TMEM181: variants seen among roughly 807,000 people sequenced by gnomAD.
TMEM181 encodes G protein-coupled receptor 178.
A neutral mutation model predicts 71.9 loss-of-function variants in TMEM181; 39 were observed. The ratio of observed to expected loss-of-function variants is 0.54; its 90% confidence interval spans 0.42 to 0.71. TMEM181 has a LOEUF of 0.71. Among genes scored for constraint, TMEM181 ranks in the 30% least tolerant of loss-of-function variants. The probability of loss-of-function intolerance (pLI) is 0.00; values close to 1 mark genes in which losing one functional copy is unlikely to be tolerated. For synonymous variants in TMEM181, 245 were observed against 228.8 expected (o/e 1.07, Z -0.64); for missense variants, 595 against 583.0 (o/e 1.02, Z -0.21).
intron 1 of TMEM181, among the ~76,000 whole-genome samples, chr6:158,570,448 A>G (rs544858295): frequency 1.3e-5 from 2 of 150,928 alleles, no homozygotes; most frequent in Non-Finnish European, 3.0e-5. Flanking sequence ...TCACCGTGTC[A>G]GCCAGGATGG....
intron 16 of TMEM181, 113 bp downstream of exon 16, chr6:158,631,502 C>T: frequency 1.7e-6 from 2 of 1,179,916 alleles, no homozygotes; most frequent in Admixed American, 3.6e-5. Context: ...AAGGCATTTA[C>T]CTTGGAGTGT....
At chr6:158,565,342 G>A (rs535669669) in intron 1 of TMEM181, among the ~76,000 whole-genome samples, 56 of 152,310 alleles carry the variant, frequency 3.7e-4, no homozygotes, top group Non-Finnish European at 6.8e-4. Flanking sequence ...TGTTGGTGCC[G>A]TGGTCCCGAG....
intron 4 of TMEM181, among the ~76,000 whole-genome samples, chr6:158,584,250 G>A (rs148181889): frequency 3.3e-3 from 497 of 152,346 alleles, no homozygotes; most frequent in African/African-American, 0.011. Flanking sequence ...CGTCCTCCGT[G>A]GAGTCCTGGT....
intron 4 of TMEM181, 40 bp downstream of exon 4, chr6:158,584,084 G>T: frequency 1.3e-6 from 2 of 1,517,862 alleles, no homozygotes; most frequent in South Asian, 1.2e-5. Flanking sequence ...TTCATTATAC[G>T]AAGAAACATC....
intron 1 of TMEM181, among the ~76,000 whole-genome samples, chr6:158,568,722 A>G (rs182417339): frequency 2.6e-4 from 40 of 152,274 alleles, no homozygotes; most frequent in Admixed American, 2.2e-3. Flanking sequence ...CAGAGCTGCC[A>G]GTGGGTTTCT....
chr6:158,625,753 A>C lies in TMEM181; in HGVS notation c.1108A>C (p.Ser370Arg). 1 of 1,608,714 alleles carries C rather than the reference A, an allele frequency of 6.2e-7. No individual in the cohort carries two copies. The highest frequency in any genetic ancestry group is 1.1e-5 in the South Asian group (1 of 89,118). ...TALTFVVLVI[S>R]IAILYLRFGA... The stretch of plus-strand genomic sequence containing the variant: ...ATTGACTTTCGTAGTACTTGTCATT[A>C]GGTAAGAAGACCTTATTTCTTGAAA... The change falls in exon 13 of 17, where the codon AGC (serine) becomes CGC (arginine). Residue 370 changes from serine to arginine, a missense_variant and splice_region_variant. Ser to Arg is a moderately radical substitution (Grantham distance 110, BLOSUM62 -1). Coordinates refer to ENST00000684151, the MANE Select transcript of TMEM181 (RefSeq NM_001376852.1).
chr6:158,537,525 G>A (rs537491291), intron 1 of TMEM181, among the ~76,000 whole-genome samples: 95 of 152,226 alleles, frequency 6.2e-4, no homozygotes, highest in African/African-American at 2.2e-3. Flanking sequence ...CCCTGGCGCC[G>A]GCCCCCGCCC....
chr6:158,539,492 G>A (rs922329941), intron 1 of TMEM181, among the ~76,000 whole-genome samples: 1 of 152,186 alleles, frequency 6.6e-6, no homozygotes, highest in African/African-American at 2.4e-5. Context: ...CTTATTGGTG[G>A]TTTATGAGTA....
intron 6 of TMEM181, among the ~76,000 whole-genome samples, chr6:158,590,185 T>G (rs538038432): frequency 1.3e-5 from 2 of 152,094 alleles, no homozygotes; most frequent in African/African-American, 2.4e-5. Flanking sequence ...AATCTCCCCT[T>G]TCCACTCATT....
chr6:158,625,006 C>A, intron 11 of TMEM181, 98 bp from the exon 12 acceptor site: 1 of 937,950 alleles, frequency 1.1e-6, no homozygotes, highest in Non-Finnish European at 1.8e-6. Context: ...GTTGAAGTCC[C>A]TTCTAAAAAC....
chr6:158,572,554 G>C (rs566715843), intron 1 of TMEM181: 8 of 448,834 alleles, frequency 1.8e-5, no homozygotes, highest in East Asian at 7.0e-5. Flanking sequence ...AGCCATGCTC[G>C]TGCGTCCTGT....
intron 1 of TMEM181, among the ~76,000 whole-genome samples, chr6:158,570,578 G>A (rs538161693): frequency 6.6e-6 from 1 of 151,980 alleles, no homozygotes; most frequent in Non-Finnish European, 1.5e-5. Context: ...GGGGAAACAG[G>A]TCTGGAGTCA....
chr6:158,554,834 T>G (rs1781827482), intron 1 of TMEM181, among the ~76,000 whole-genome samples: 2 of 152,230 alleles, frequency 1.3e-5, no homozygotes, highest in African/African-American at 2.4e-5. Flanking sequence ...AAAACACAGC[T>G]GGATCCAAAT....
chr6:158,611,788 A>ACGGCG, intron 10 of TMEM181: 6 of 203,394 alleles, frequency 2.9e-5, no homozygotes, highest in East Asian at 1.4e-4. Context: ...TTTGGACAAT[A>ACGGCG]AACCTGAGAG....
At chr6:158,610,844 A>G (rs34787178) in intron 10 of TMEM181, 51,092 of 335,866 alleles carry the variant, frequency 0.15, 4,476 homozygotes, top group African/African-American at 0.25. Context: ...ACATACTCAC[A>G]CCAAGGACTA....
At chr6:158,537,215 C>G (rs1781151012) in intron 1 of TMEM181, among the ~76,000 whole-genome samples, 1 of 152,068 alleles carries the variant, frequency 6.6e-6, no homozygotes, top group Non-Finnish European at 1.5e-5. Context: ...CGTCGTTCTC[C>G]CCCCGCGCCC....
At chr6:158,622,556 C>T (rs73796525) in intron 10 of TMEM181, among the ~76,000 whole-genome samples, 20,540 of 152,178 alleles carry the variant, frequency 0.13, 1,553 homozygotes, top group Middle Eastern at 0.2. Context: ...AGGATGTCAT[C>T]GTGCTATCAG....
intron 16 of TMEM181, 94 bp from the exon 17 acceptor site, chr6:158,631,716 G>A (rs1244621427): frequency 7.3e-7 from 1 of 1,367,550 alleles, no homozygotes; most frequent in African/African-American, 1.4e-5. Context: ...GCGAAGCTAT[G>A]ATTTAATTCC....
upstream of TMEM181, among the ~76,000 whole-genome samples, chr6:158,556,158 A>AGGCAGCCTT (rs1470635401): frequency 6.6e-6 from 1 of 152,180 alleles, no homozygotes; most frequent in Non-Finnish European, 1.5e-5. Flanking sequence ...TAGGGATGTA[A>AGGCAGCCTT]GGCAGCCTTA....
Sources: allele counts gnomAD v4.1 joint callset (sites outside exome capture counted in the v4.1 genomes callset), GRCh38; gene constraint gnomAD v4.1.1; transcripts MANE v1.5; gene names NCBI Gene and HGNC (gene_info 2026-07-23, HGNC 2026-07-21).